Variants in PTPN14 observed in about 807,000 individuals in gnomAD.
PTPN14 encodes tyrosine-protein phosphatase non-receptor type 14.
PTPN14 carries 53 observed loss-of-function variants against 126.8 expected under a neutral mutation model. That is an observed-to-expected ratio of 0.42 (90% CI 0.34 to 0.53). The LOEUF (loss-of-function observed/expected upper bound fraction) is 0.53, where lower values mean the gene tolerates loss of function less well. PTPN14 is among the 20% of genes least tolerant of loss of function. The probability of loss-of-function intolerance (pLI) is 0.08; values close to 1 mark genes in which losing one functional copy is unlikely to be tolerated. For missense variants in PTPN14, 1,257 were observed against 1,552.9 expected (o/e 0.81, Z 3.20); for synonymous variants, 630 against 599.3 (o/e 1.05, Z -0.75).
chr1:214,418,916 T>G (rs1659482992), intron 3 of PTPN14, among the ~76,000 whole-genome samples: 1 of 152,184 alleles, frequency 6.6e-6, no homozygotes, highest in Non-Finnish European at 1.5e-5. Context: ...AGAAGTAAAA[T>G]CTACAGACCA....
intron 15 of PTPN14, 75 bp from the exon 16 acceptor site, chr1:214,372,914 G>A: frequency 1.3e-6 from 2 of 1,574,504 alleles, no homozygotes; most frequent in South Asian, 2.3e-5. Context: ...CTGTCCATCT[G>A]TATCCACCTT....
At chr1:214,478,227 A>G (rs1660906896) in intron 1 of PTPN14, among the ~76,000 whole-genome samples, 1 of 152,216 alleles carries the variant, frequency 6.6e-6, no homozygotes, top group Non-Finnish European at 1.5e-5. Context: ...TAACAACCTG[A>G]GTATCCATAA....
chr1:214,363,635 G>A (rs72757948), intron 18 of PTPN14, among the ~76,000 whole-genome samples: 30,401 of 152,098 alleles, frequency 0.2, 3,609 homozygotes, highest in Non-Finnish European at 0.27. Context: ...GTACCACTGC[G>A]TAAGAGCCAC....
intron 3 of PTPN14, among the ~76,000 whole-genome samples, chr1:214,426,783 T>C (rs990798583): frequency 6.6e-6 from 1 of 152,080 alleles, no homozygotes; most frequent in Non-Finnish European, 1.5e-5. Flanking sequence ...AATGTCTCTT[T>C]AGGAACCAAA....
chr1:214,433,108 T>C (rs1468682738), intron 3 of PTPN14, among the ~76,000 whole-genome samples: 1 of 152,050 alleles, frequency 6.6e-6, no homozygotes. Flanking sequence ...TTTCCCAGTG[T>C]TTGCCAGGAT....
intron 2 of PTPN14, among the ~76,000 whole-genome samples, chr1:214,460,416 C>A (rs1660483132): frequency 6.6e-6 from 1 of 151,748 alleles, no homozygotes; most frequent in Non-Finnish European, 1.5e-5. Flanking sequence ...ACAACACACA[C>A]ACACACACAT....
chr1:214,350,216 A>C lies in PTPN14; in HGVS notation c.*7706T>G, dbSNP rs2102490201. On this transcript the variant is annotated 3_prime_UTR_variant, in exon 19 of 19. Transcript: ENST00000366956. ...ATGTTTCTGGGCAGCCCAAAGGTTT[A>C]CCACCTGTTTCACTAGAATGGCCAG... 1 of 152,340 alleles carries C rather than the reference A, an allele frequency of 6.6e-6. No individual in the cohort carries two copies. Among genetic ancestry groups the C allele is most frequent in the East Asian group, 1.9e-4 (1 of 5,178 alleles). The allele number at this position is 152,340 out of a possible 1,614,324, so 9.4% of individuals were successfully genotyped here.
In PTPN14 at chr1:214,355,097, A is replaced by G. The variant is rs1657787044; in HGVS notation, c.*2825T>C. On this transcript the variant is annotated 3_prime_UTR_variant, in exon 19 of 19. Coordinates refer to ENST00000366956, the MANE Select transcript of PTPN14 (RefSeq NM_005401.5). ...AAAGGCATTTGTTTTTAAAAGTGAA[A>G]TATGTGGAACAACTCTTAAATGTTT... 1 of 152,264 alleles carries G rather than the reference A, an allele frequency of 6.6e-6. No homozygotes were observed. The highest frequency in any genetic ancestry group is 1.5e-5 in the Non-Finnish European group (1 of 68,048). 9.4% of individuals were successfully genotyped at this position (152,264 alleles called of 1,614,324 possible). A position where few individuals can be genotyped will look rare whatever the true frequency, so the allele number is the denominator to read the frequency against.
chr1:214,416,979 G>A (rs1294090684), intron 3 of PTPN14, among the ~76,000 whole-genome samples: 2 of 151,674 alleles, frequency 1.3e-5, no homozygotes, highest in African/African-American at 4.8e-5. Context: ...TTTCATGGAA[G>A]TATACTCCAC....
At chr1:214,436,203 T>C (rs1052580321) in intron 3 of PTPN14, among the ~76,000 whole-genome samples, 2 of 151,986 alleles carry the variant, frequency 1.3e-5, no homozygotes, top group South Asian at 2.1e-4. Context: ...CTAGAACACA[T>C]GGGCACAAAG....
At chr1:214,402,681 G>A (rs1270294001) in intron 6 of PTPN14, among the ~76,000 whole-genome samples, 5 of 146,828 alleles carry the variant, frequency 3.4e-5, no homozygotes, top group African/African-American at 1.0e-4. Context: ...AAGGAAGGGA[G>A]GGAGGGAAGG....
rs142268662 is a variant in PTPN14 at position 214,365,520 on chromosome 1, A to G, written c.3272-845T>C. Among the ~76,000 whole-genome samples the G allele has an allele frequency of 7.1e-3, 1,081 of 152,336 alleles. 17 individuals carry two copies. Among genetic ancestry groups the G allele is most frequent in the African/African-American group, 0.025 (1,043 of 41,588 alleles). ...TAATTAATAATTTAGATTTTGTAGT[A>G]GCTCAGGACAGAAACAGGTTTAAAG... On this transcript the variant is annotated intron_variant, in intron 17 of 18. Coordinates refer to ENST00000366956, the MANE Select transcript of PTPN14 (RefSeq NM_005401.5).
intron 8 of PTPN14, 60 bp from the exon 9 acceptor site, chr1:214,395,046 C>CCCTCCTCTGCTGTATCAT: frequency 7.2e-7 from 1 of 1,381,270 alleles, no homozygotes; most frequent in Non-Finnish European, 1.0e-6. Context: ...TATGATACAG[C>CCCTCCTCTGCTGTATCAT]AGAGGAGGGC....
At chr1:214,546,647 T>C (rs1469920374) in intron 1 of PTPN14, among the ~76,000 whole-genome samples, 1 of 152,156 alleles carries the variant, frequency 6.6e-6, no homozygotes, top group Non-Finnish European at 1.5e-5. Flanking sequence ...AAAGGATCCC[T>C]TTCTCATTTT....
At chr1:214,457,001 C>T (rs567475735) in intron 2 of PTPN14, among the ~76,000 whole-genome samples, 1 of 152,306 alleles carries the variant, frequency 6.6e-6, no homozygotes, top group South Asian at 2.1e-4. Flanking sequence ...TCTGCCAGGG[C>T]ATGAGGTGTT....
In PTPN14 at chr1:214,402,336, A is replaced by G. The variant is rs4290034; in HGVS notation, c.581+547T>C. ...GTGCCTGTAATCCCAGCTACTCGAGAGTCTGAGGCATGAGAATTGCTTGAA... is the reference window on the plus strand; with the variant it reads ...GTGCCTGTAATCCCAGCTACTCGAGGGTCTGAGGCATGAGAATTGCTTGAA... On this transcript the variant is annotated intron_variant, in intron 6 of 18. Coordinates refer to ENST00000366956, the MANE Select transcript of PTPN14 (RefSeq NM_005401.5). 6.1e-3 allele frequency among the ~76,000 whole-genome samples: 898 copies of G among 147,190 alleles called. 8 individuals are homozygous for G. Among genetic ancestry groups the G allele is most frequent in the African/African-American group, 0.021 (850 of 39,930 alleles).
chr1:214,422,530 CATA>C, intron 3 of PTPN14, among the ~76,000 whole-genome samples: 1 of 152,244 alleles, frequency 6.6e-6, no homozygotes, highest in East Asian at 1.9e-4. Flanking sequence ...ATCGTGTGTT[CATA>C]ATATTACCTA....
At position 214,542,409 on chromosome 1, in the gene PTPN14, G is replaced by A. The variant is rs541672147; in HGVS notation, c.-155+8774C>T. ...ACAGGTGTCTGTCATAATGACGCGG[G>A]GGGGCAGCCTCAGCCTCACAGGGCA... On this transcript the variant is annotated intron_variant, in intron 1 of 18. Transcript: ENST00000366956. 6.6e-5 allele frequency among the ~76,000 whole-genome samples: 10 copies of A among 152,302 alleles called. No homozygotes were observed. In the East Asian group the frequency reaches 1.9e-3, roughly 29 times the overall value.
rs551150786 is a variant in PTPN14 at position 214,355,067 on chromosome 1, G to C, written c.*2855C>G. ...GAAAAGGAATGCAAAATGTGCTAAA[G>C]AACCAAAGGCATTTGTTTTTAAAAG... is the stretch of plus-strand genomic sequence containing the variant. On this transcript the variant is annotated 3_prime_UTR_variant, in exon 19 of 19. Transcript: ENST00000366956. The C allele has an allele frequency of 6.6e-6, 1 of 152,188 alleles. No individual in the cohort carries two copies. The allele number at this position is 152,188 out of a possible 1,614,324, so 9.4% of individuals were successfully genotyped here.
Sources: gnomAD v4.1 joint callset for allele counts (sites outside exome capture counted in the v4.1 genomes callset) on GRCh38, gnomAD v4.1.1 for gene constraint, MANE v1.5 for transcripts, NCBI Gene and HGNC (gene_info 2026-07-23, HGNC 2026-07-21) for gene names.